A2ML1: variants seen among roughly 807,000 people sequenced by gnomAD.
A2ML1 encodes alpha-2-macroglobulin like 1, also known as alpha-2-macroglobulin-like protein 1.
A neutral mutation model predicts 181.9 loss-of-function variants in A2ML1; 161 were observed. That is an observed-to-expected ratio of 0.89 (90% confidence interval 0.78 to 1.01). The LOEUF (loss-of-function observed/expected upper bound fraction) is 1.01, where lower values mean the gene tolerates loss of function less well. Ranked by LOEUF, A2ML1 falls within the 50% of genes least tolerant of loss-of-function variation. A2ML1 has a pLI of 0.00. For missense variants in A2ML1, 1,670 were observed against 1,768.1 expected, an observed-to-expected ratio of 0.94 and a Z score of 1.00; for synonymous variants, 663 against 666.8, an observed-to-expected ratio of 0.99 and a Z score of 0.09.
chr12:8,871,014 A>G (rs73047825), intron 33 of A2ML1, among the ~76,000 whole-genome samples: 7,987 of 152,208 alleles, frequency 0.052, 288 homozygotes, highest in Non-Finnish European at 0.081. Flanking sequence ...TCACATATAT[A>G]GTCTTCCTTA....
chr12:8,851,945 C>T lies in A2ML1; in HGVS notation c.2396C>T (p.Ser799Leu). The T allele has an allele frequency of 6.2e-7, 1 of 1,614,206 alleles. No homozygotes were observed. Residue 799 changes from serine (S) to leucine (L), a missense_variant, in exon 19 of 36, where the codon TCA becomes TTA. Ser to Leu is a moderately radical substitution (Grantham distance 145). Transcript: ENST00000299698. ...TTTGTTGACCTGACTCTCCCTTACTCAGTAGTCCGTGGGGAATCCTTTCGT... is the reference window on the plus strand; with the variant it reads ...TTTGTTGACCTGACTCTCCCTTACTTAGTAGTCCGTGGGGAATCCTTTCGT... The part of the protein sequence containing the change: ...PFFVDLTLPY[S>L]VVRGESFRLT...
At position 8,822,802 on chromosome 12, in the gene A2ML1, A is replaced by G. The variant is rs972463864; in HGVS notation, c.62+89A>G. 6.3e-6 allele frequency: 8 copies of G among 1,278,824 alleles called. No homozygotes were observed. The African/African-American group carries it at 8.9e-5, about 14-fold the overall frequency. 79.2% of individuals were successfully genotyped at this position (1,278,824 alleles called of 1,614,324 possible). A position where few individuals can be genotyped will look rare whatever the true frequency, so the allele number is the denominator to read the frequency against. On this transcript the variant is annotated intron_variant, in intron 1 of 35. Transcript: ENST00000299698. ...CATTTATATGGAGATGGGGAGATCA[A>G]CTTTGGTTTATCTTAATTTCCTCCT...
chr12:8,823,983 A>AG lies in A2ML1; in HGVS notation c.409+103dup, dbSNP rs370291958. On this transcript the variant is annotated intron_variant, in intron 3 of 35. Transcript: ENST00000299698. ...GTTTGACAGTAGGCTTTGGAAAAAA[A>AG]GGAGTGCAGAGGAGAGGAAAATCTG... 45 of 1,332,130 alleles carry AG rather than the reference A, an allele frequency of 3.4e-5. No homozygotes were observed. The African/African-American group carries it at 6.4e-4, about 19-fold the overall frequency. 82.5% of individuals were successfully genotyped at this position (1,332,130 alleles called of 1,614,324 possible). A position where few individuals can be genotyped will look rare whatever the true frequency, so the allele number is the denominator to read the frequency against.
Position 8,836,273 on chromosome 12 carries a change from TG to T in A2ML1, c.664del (p.Glu222LysfsTer16). 1 of 1,613,930 alleles carries T rather than the reference TG, an allele frequency of 6.2e-7. No homozygotes were observed. Among genetic ancestry groups the T allele is most frequent in the Non-Finnish European group, 8.5e-7 (1 of 1,180,002 alleles). ...TCTTCAGTGCTGCCGAAGTTTAAGG[TG>T]GAAGTGGTGGAACCCAAGGAGTTAT... ...VEEYVLPKFKVEVVEPKELST... is the reference protein window; with the variant it reads ...VEEYVLPKFKXEVVEPKELST... On this transcript the variant is annotated frameshift_variant, in exon 7 of 36. Transcript: ENST00000299698. LOFTEE classifies it high-confidence loss of function.
chr12:8,879,860 A>C (rs59216232), downstream of A2ML1, among the ~76,000 whole-genome samples: 3,521 of 152,298 alleles, frequency 0.023, 139 homozygotes, highest in African/African-American at 0.081. Context: ...TTTAGCATTC[A>C]AGTGACACTT....
At position 8,875,032 on chromosome 12, in the gene A2ML1, G is replaced by A. The variant is rs755848136; in HGVS notation, c.*1+20G>A. ...AATGAGGTAAGTCCAGCGGAGAAAT[G>A]GGTGGAGTTATGGGTTAGGGTGGCA... On this transcript the variant is annotated intron_variant, in intron 35 of 35. Transcript: ENST00000299698. The A allele has an allele frequency of 6.2e-7, 1 of 1,613,366 alleles. No individual in the cohort carries two copies. The highest frequency in any genetic ancestry group is 8.5e-7 in the Non-Finnish European group (1 of 1,179,398).
intron 3 of A2ML1, among the ~76,000 whole-genome samples, chr12:8,825,297 G>C (rs1405037129): frequency 1.3e-5 from 2 of 152,096 alleles, no homozygotes; most frequent in Non-Finnish European, 2.9e-5. Context: ...TTTAACTGGG[G>C]TGAGATAATA....
At chr12:8,843,722 T>C (rs74452505) in intron 12 of A2ML1, among the ~76,000 whole-genome samples, 1 of 89,150 alleles carries the variant, frequency 1.1e-5, no homozygotes. Flanking sequence ...TTTTTTTTTC[T>C]TTTTTTTTTT....
intron 28 of A2ML1, among the ~76,000 whole-genome samples, chr12:8,863,104 CTTT>C (rs10572999): frequency 1.6e-4 from 23 of 139,788 alleles, no homozygotes; most frequent in Non-Finnish European, 1.9e-4. Flanking sequence ...AATGTTAAAT[CTTT>C]TTTTTTTTTT....
At position 8,861,151 on chromosome 12, in the gene A2ML1, A is replaced by G; in HGVS notation, c.3356A>G (p.Gln1119Arg). ...ACTTTTTAGGACCCAATGGTGAGTCAGGGTCTACGGTGTCTCAAGAATTCG... is the reference window on the plus strand; with the variant it reads ...ACTTTTTAGGACCCAATGGTGAGTCGGGGTCTACGGTGTCTCAAGAATTCG... ...GKDVDDPMVS[Q>R]GLRCLKNSAT... Residue 1119 changes from glutamine (Q) to arginine (R), a missense_variant, in exon 28 of 36, where the codon CAG becomes CGG. Physicochemically the swap from Gln to Arg is conservative, Grantham distance 43. Coordinates refer to ENST00000299698, the MANE Select transcript of A2ML1 (RefSeq NM_144670.6). 1 of 1,614,168 alleles carries G rather than the reference A, an allele frequency of 6.2e-7. No homozygotes were observed.
intron 26 of A2ML1, 95 bp downstream of exon 26, chr12:8,858,197 C>G (rs1944138139): frequency 1.3e-5 from 19 of 1,416,656 alleles, no homozygotes; most frequent in Non-Finnish European, 1.8e-5. Flanking sequence ...GCCTGGGAAT[C>G]AGTTTTCTCC....
At chr12:8,862,433 C>G (rs1261012343) in intron 28 of A2ML1, among the ~76,000 whole-genome samples, 1 of 152,096 alleles carries the variant, frequency 6.6e-6, no homozygotes, top group Admixed American at 6.5e-5. Flanking sequence ...GAATCCTGAC[C>G]TCAAGTGATC....
chr12:8,838,378 A>G lies in A2ML1; in HGVS notation c.898A>G (p.Thr300Ala). ...GCFSAPVDMA[T>A]FDLIGYAYSH... Reference sequence around the variant, plus strand: ...TTTCTCAGCACCTGTGGACATGGCCACCTTTGACCTCATTGGATATGCGTA... The same window carrying G: ...TTTCTCAGCACCTGTGGACATGGCCGCCTTTGACCTCATTGGATATGCGTA... The change falls in exon 9 of 36, where the codon ACC (threonine) becomes GCC (alanine). Residue 300 changes from threonine (T) to alanine (A), a missense_variant. Coordinates refer to ENST00000299698, the MANE Select transcript of A2ML1 (RefSeq NM_144670.6). 6.2e-7 allele frequency: 1 copy of G among 1,613,724 alleles called. No individual in the cohort carries two copies. Among genetic ancestry groups the G allele is most frequent in the South Asian group, 1.1e-5 (1 of 90,944 alleles).
intron 7 of A2ML1, among the ~76,000 whole-genome samples, chr12:8,837,014 G>T (rs760473410): frequency 1.3e-5 from 2 of 152,074 alleles, no homozygotes; most frequent in Non-Finnish European, 2.9e-5. Flanking sequence ...AGGTAGGATT[G>T]TCAGAGCTTG....
chr12:8,847,098 C>CTT (rs1212257948), intron 14 of A2ML1, among the ~76,000 whole-genome samples: 1,302 of 93,220 alleles, frequency 0.014, 56 homozygotes, highest in African/African-American at 0.049. Context: ...CCATGCCTGG[C>CTT]TTTTTTTTTT....
chr12:8,831,092 G>A (rs1668816810), intron 4 of A2ML1: 1 of 152,072 alleles, frequency 6.6e-6, no homozygotes, highest in Admixed American at 6.6e-5. Flanking sequence ...TGGGACCACA[G>A]GTGTGCACTA....
chr12:8,858,430 T>A (rs1166118250), intron 26 of A2ML1, among the ~76,000 whole-genome samples: 1 of 151,848 alleles, frequency 6.6e-6, no homozygotes, highest in African/African-American at 2.4e-5. Context: ...AAAAAAAATA[T>A]GAAAAATTAA....
intron 9 of A2ML1, among the ~76,000 whole-genome samples, chr12:8,838,782 G>C (rs1357423818): frequency 6.6e-6 from 1 of 151,788 alleles, no homozygotes; most frequent in Non-Finnish European, 1.5e-5. Context: ...CATGGTGACG[G>C]GGGCGCCTGT....
At chr12:8,836,201 TCTGA>T (rs1440790640) in intron 6 of A2ML1, 50 bp from the exon 7 acceptor site, 3 of 1,466,558 alleles carry the variant, frequency 2.0e-6, no homozygotes, top group African/African-American at 2.8e-5. Flanking sequence ...TCACTGCCTG[TCTGA>T]CTGATTCCTC....
Sources: allele counts gnomAD v4.1 joint callset (sites outside exome capture counted in the v4.1 genomes callset), GRCh38; gene constraint gnomAD v4.1.1; transcripts MANE v1.5; gene names NCBI Gene and HGNC (gene_info 2026-07-23, HGNC 2026-07-21).